The following ATF1 variants were observed in gnomAD, a reference collection of about 807,000 sequenced individuals.
The protein encoded by ATF1 is cyclic AMP-dependent transcription factor ATF-1.
Under a neutral mutation model 34.7 loss-of-function variants are expected in ATF1, and 16 were observed. That is an observed-to-expected ratio of 0.46 (90% CI 0.31 to 0.70). The LOEUF (loss-of-function observed/expected upper bound fraction) is 0.70, where lower values mean the gene tolerates loss of function less well. Among genes scored for constraint, ATF1 ranks in the 30% least tolerant of loss-of-function variants. The pLI is 0.05. For missense variants in ATF1, 255 were observed against 321.6 expected, an observed-to-expected ratio of 0.79 and a Z score of 1.58; for synonymous variants, 105 against 113.1, an observed-to-expected ratio of 0.93 and a Z score of 0.46.
upstream of ATF1, chr12:50,763,584 C>A (rs80129861): frequency 0.012 from 1,680 of 136,234 alleles, 29 homozygotes; most frequent in African/African-American, 0.043. Flanking sequence ...CACTGCACTA[C>A]AGCCTGGGCC....
chr12:50,778,582 A>G (rs2139647642), intron 1 of ATF1, among the ~76,000 whole-genome samples: 1 of 149,956 alleles, frequency 6.7e-6, no homozygotes, highest in African/African-American at 2.5e-5. Context: ...AGTGTGTACA[A>G]CCAATGTCCA....
intron 1 of ATF1, among the ~76,000 whole-genome samples, chr12:50,773,351 A>T (rs915556361): frequency 6.6e-6 from 1 of 152,070 alleles, no homozygotes; most frequent in Non-Finnish European, 1.5e-5. Context: ...ACTGTCTTCC[A>T]CAATGGTTGA....
In ATF1 at chr12:50,820,161, T is replaced by TTTAG. The variant is rs1305160029; in HGVS notation, c.*386_*389dup. On this transcript the variant is annotated 3_prime_UTR_variant, in exon 7 of 7. Transcript: ENST00000262053. ...ATTTGTTTGCTGAAATTTACCTTTT[T>TTTAG]TTAGTTATATATATGTGTGTGTGTG... 1.7e-5 allele frequency: 4 copies of TTTAG among 230,236 alleles called. No homozygotes were observed. The highest frequency in any genetic ancestry group is 1.1e-4 in the Admixed American group (2 of 18,436). 14.3% of individuals were successfully genotyped at this position (230,236 alleles called of 1,614,324 possible). A position where few individuals can be genotyped will look rare whatever the true frequency, so the allele number is the denominator to read the frequency against.
At chr12:50,814,550 A>C (rs1290258546) in intron 6 of ATF1, 111 bp downstream of exon 6, 1 of 1,179,824 alleles carries the variant, frequency 8.5e-7, no homozygotes, top group Non-Finnish European at 1.2e-6. Flanking sequence ...ACAATGTTTA[A>C]GTAAACAATG....
rs370434320 is a variant in ATF1 at position 50,771,092 on chromosome 12, G to A, written c.-7+6785G>A. Reference sequence around the variant, plus strand: ...ACCATCTTGGCTCACTGCAGCCTCCGCCTCCTGGGTTCAAGTGATTCTCCT... The same window carrying A: ...ACCATCTTGGCTCACTGCAGCCTCCACCTCCTGGGTTCAAGTGATTCTCCT... On this transcript the variant is annotated intron_variant, in intron 1 of 6. Coordinates refer to ENST00000262053, the MANE Select transcript of ATF1 (RefSeq NM_005171.5). Among the ~76,000 whole-genome samples, 36 of 151,738 alleles carry A rather than the reference G, an allele frequency of 2.4e-4. No individual in the cohort carries two copies. In the East Asian group the frequency reaches 5.4e-3, roughly 23 times the overall value.
chr12:50,810,193 T>C lies in ATF1; in HGVS notation c.328+604T>C, dbSNP rs1175472540. ...ACATAATTGCTGTATATTATATTAGTATAATTCCTTTCAGAACATTCCTGG... is the reference window on the plus strand; with the variant it reads ...ACATAATTGCTGTATATTATATTAGCATAATTCCTTTCAGAACATTCCTGG... On this transcript the variant is annotated intron_variant, in intron 4 of 6. Coordinates refer to ENST00000262053, the MANE Select transcript of ATF1 (RefSeq NM_005171.5). Among the ~76,000 whole-genome samples, 6 of 151,208 alleles carry C rather than the reference T, an allele frequency of 4.0e-5. No individual in the cohort carries two copies. In the East Asian group the frequency reaches 5.9e-4, roughly 15 times the overall value.
At chr12:50,799,894 T>C (rs1166792655) in intron 3 of ATF1, among the ~76,000 whole-genome samples, 1 of 152,152 alleles carries the variant, frequency 6.6e-6, no homozygotes, top group East Asian at 1.9e-4. Flanking sequence ...TTTATGTCAT[T>C]AGAGTCTCAG....
intron 1 of ATF1, among the ~76,000 whole-genome samples, chr12:50,766,496 C>T (rs183305632): frequency 6.6e-6 from 1 of 151,734 alleles, no homozygotes; most frequent in Non-Finnish European, 1.5e-5. Context: ...GCTTTTTCCT[C>T]TCTAAAAGGG....
In ATF1 at chr12:50,774,375, C is replaced by G. The variant is rs1565899995; in HGVS notation, c.-6-5765C>G. Among the ~76,000 whole-genome samples, 3 of 152,142 alleles carry G rather than the reference C, an allele frequency of 2.0e-5. No individual in the cohort carries two copies. In the South Asian group the frequency reaches 6.2e-4, roughly 32 times the overall value. The stretch of plus-strand genomic sequence containing the variant: ...AGGGCCCTGCCTTCCCTGACATTCT[C>G]TCTATGTCAGCAAGATCTCAGCCCA... On this transcript the variant is annotated intron_variant, in intron 1 of 6. Coordinates refer to ENST00000262053, the MANE Select transcript of ATF1 (RefSeq NM_005171.5).
At chr12:50,816,434 AAATT>A (rs1222077884) in intron 6 of ATF1, among the ~76,000 whole-genome samples, 1 of 152,182 alleles carries the variant, frequency 6.6e-6, no homozygotes, top group Non-Finnish European at 1.5e-5. Flanking sequence ...TAAAAGGAAT[AAATT>A]CAGTGTTTCA....
At chr12:50,800,218 G>GA (rs751844321) in intron 3 of ATF1, among the ~76,000 whole-genome samples, 2 of 152,098 alleles carry the variant, frequency 1.3e-5, no homozygotes, top group Admixed American at 6.6e-5. Flanking sequence ...AGTGCTAAAA[G>GA]AAAAAAGAAT....
At chr12:50,812,406 A>C (rs1417678196) in intron 4 of ATF1, among the ~76,000 whole-genome samples, 2 of 152,224 alleles carry the variant, frequency 1.3e-5, no homozygotes, top group African/African-American at 4.8e-5. Flanking sequence ...GGGGAAAATG[A>C]AATAGAGATA....
chr12:50,798,231 G>T (rs954712061), intron 3 of ATF1, among the ~76,000 whole-genome samples: 26 of 152,198 alleles, frequency 1.7e-4, no homozygotes, highest in African/African-American at 6.3e-4. Context: ...AGAAAGTATG[G>T]TGAACAAAGA....
chr12:50,820,198 T>A lies in ATF1; in HGVS notation c.*419T>A, dbSNP rs1941922493. On this transcript the variant is annotated 3_prime_UTR_variant, in exon 7 of 7. Transcript: ENST00000262053. Reference sequence around the variant, plus strand: ...TATGTGTGTGTGTGTGTGTAATTTCTGCCAATAAATTCTAAATTACAAAGG... The same window carrying A: ...TATGTGTGTGTGTGTGTGTAATTTCAGCCAATAAATTCTAAATTACAAAGG... 3 of 208,744 alleles carry A rather than the reference T, an allele frequency of 1.4e-5. No individual in the cohort carries two copies. The allele number at this position is 208,744 out of a possible 1,614,324, so 12.9% of individuals were successfully genotyped here.
At chr12:50,814,936 G>A (rs1251153491) in intron 6 of ATF1, among the ~76,000 whole-genome samples, 1 of 151,160 alleles carries the variant, frequency 6.6e-6, no homozygotes, top group African/African-American at 2.4e-5. Flanking sequence ...CCTGGCTAAC[G>A]TGGTGAAACT....
chr12:50,787,986 A>AT (rs1941220501), intron 2 of ATF1, among the ~76,000 whole-genome samples: 2 of 152,148 alleles, frequency 1.3e-5, no homozygotes, highest in African/African-American at 4.8e-5. Context: ...AGAGGTAAGT[A>AT]TTGTAGAGAT....
chr12:50,805,063 G>A (rs903574312), intron 3 of ATF1, among the ~76,000 whole-genome samples: 13 of 151,710 alleles, frequency 8.6e-5, no homozygotes, highest in African/African-American at 2.2e-4. Context: ...TGCCTACCTC[G>A]GTCTCCCAAA....
At chr12:50,785,519 C>G (rs898389237) in intron 2 of ATF1, among the ~76,000 whole-genome samples, 1 of 152,118 alleles carries the variant, frequency 6.6e-6, no homozygotes, top group African/African-American at 2.4e-5. Context: ...TAGCTTAAAA[C>G]AACACACATT....
intron 1 of ATF1, among the ~76,000 whole-genome samples, chr12:50,768,470 A>G (rs892037740): frequency 4.2e-4 from 64 of 152,354 alleles, no homozygotes; most frequent in Admixed American, 3.7e-3. Flanking sequence ...GGGAAAAACA[A>G]GAGGCACCAG....
Sources: gnomAD v4.1 joint callset for allele counts (sites outside exome capture counted in the v4.1 genomes callset) on GRCh38, gnomAD v4.1.1 for gene constraint, MANE v1.5 for transcripts, NCBI Gene and HGNC (gene_info 2026-07-23, HGNC 2026-07-21) for gene names.